The following MSH4 variants were observed in gnomAD, a reference collection of about 807,000 sequenced individuals.
MSH4 encodes the protein mutS homolog 4.
A neutral mutation model predicts 113.7 loss-of-function variants in MSH4; 106 were observed. The observed-to-expected ratio is 0.93, with a 90% CI of 0.80 to 1.10. The LOEUF is 1.10. MSH4 is among the 50% of genes least tolerant of loss of function. The probability of loss-of-function intolerance (pLI) is 0.00; values close to 1 mark genes in which losing one functional copy is unlikely to be tolerated. For missense variants in MSH4, 1,061 were observed against 1,093.7 expected (o/e 0.97, Z 0.42); for synonymous variants, 368 against 380.2 (o/e 0.97, Z 0.37).
chr1:75,902,174 T>C (rs1652520072), intron 19 of MSH4, among the ~76,000 whole-genome samples: 1 of 152,128 alleles, frequency 6.6e-6, no homozygotes, highest in Non-Finnish European at 1.5e-5. Context: ...GTAGTTGCAA[T>C]AATATATCCA....
intron 19 of MSH4, among the ~76,000 whole-genome samples, chr1:75,911,735 T>C (rs1652791568): frequency 6.6e-6 from 1 of 152,080 alleles, no homozygotes; most frequent in Non-Finnish European, 1.5e-5. Flanking sequence ...TTGATCTGTG[T>C]ACCAAATAGA....
chr1:75,909,562 T>G (rs1370734513), intron 19 of MSH4, among the ~76,000 whole-genome samples: 1 of 152,014 alleles, frequency 6.6e-6, no homozygotes, highest in Non-Finnish European at 1.5e-5. Context: ...CATGGTGGTT[T>G]GCTGCACCCA....
rs377124411 is a variant in MSH4 at position 75,814,975 on chromosome 1, C to T, written c.700-46C>T. On this transcript the variant is annotated intron_variant, in intron 4 of 19. Transcript: ENST00000263187. ...GTTTAAGAAAGCAGTTTTGGGCAAGCGCATGGCACTTCAAACTTTATTTTG... is the reference window on the plus strand; with the variant it reads ...GTTTAAGAAAGCAGTTTTGGGCAAGTGCATGGCACTTCAAACTTTATTTTG... 28 of 1,143,848 alleles carry T rather than the reference C, an allele frequency of 2.4e-5. 1 individual carries two copies. The highest frequency in any genetic ancestry group is 2.1e-4 in the African/African-American group (14 of 65,274). The allele number at this position is 1,143,848 out of a possible 1,614,324, so 70.9% of individuals were successfully genotyped here.
intron 7 of MSH4, among the ~76,000 whole-genome samples, chr1:75,825,369 A>G (rs935526860): frequency 6.6e-6 from 1 of 152,102 alleles, no homozygotes; most frequent in Non-Finnish European, 1.5e-5. Context: ...TTGGGCTGAG[A>G]CGATGGGGTT....
chr1:75,890,936 AAC>A, intron 17 of MSH4, 112 bp downstream of exon 17: 2 of 964,240 alleles, frequency 2.1e-6, no homozygotes, highest in Non-Finnish European at 3.0e-6. Context: ...TTAGATAGTA[AAC>A]ACATATCATC....
intron 7 of MSH4, among the ~76,000 whole-genome samples, chr1:75,827,244 A>C (rs773321442): frequency 1.9e-4 from 29 of 152,202 alleles, no homozygotes; most frequent in Non-Finnish European, 3.5e-4. Flanking sequence ...ACTTAATTTC[A>C]TAAGTGAAGG....
intron 9 of MSH4, among the ~76,000 whole-genome samples, chr1:75,873,748 T>TTATATATATATATATATA (rs61020580): frequency 1.3e-4 from 19 of 150,344 alleles, no homozygotes; most frequent in African/African-American, 3.9e-4. Flanking sequence ...GATCTTGTTT[T>TTATATATATATATATATA]TATATATATA....
chr1:75,891,331 T>G (rs994524342), intron 17 of MSH4, among the ~76,000 whole-genome samples: 2 of 152,208 alleles, frequency 1.3e-5, no homozygotes, highest in Admixed American at 1.3e-4. Flanking sequence ...TCACTCACAA[T>G]ATATACAGAT....
At chr1:75,837,754 G>A (rs1650863443) in intron 7 of MSH4, among the ~76,000 whole-genome samples, 1 of 152,000 alleles carries the variant, frequency 6.6e-6, no homozygotes, top group African/African-American at 2.4e-5. Context: ...CCCTCTTTAT[G>A]CAAGCTAGAT....
chr1:75,836,966 CT>C (rs1426237529), intron 7 of MSH4, among the ~76,000 whole-genome samples: 1 of 152,178 alleles, frequency 6.6e-6, no homozygotes, highest in Non-Finnish European at 1.5e-5. Context: ...CTCTCCAGAA[CT>C]TTGGACTCAA....
chr1:75,844,033 A>G (rs1181535461), intron 7 of MSH4, among the ~76,000 whole-genome samples: 2 of 151,854 alleles, frequency 1.3e-5, no homozygotes, highest in Non-Finnish European at 1.5e-5. Flanking sequence ...CTGGTCTCGA[A>G]CTCCTGACCT....
intron 7 of MSH4, among the ~76,000 whole-genome samples, chr1:75,831,449 A>T (rs1301209891): frequency 6.6e-6 from 1 of 152,208 alleles, no homozygotes; most frequent in Non-Finnish European, 1.5e-5. Context: ...ACAGACATCT[A>T]CAGAACTCTC....
At chr1:75,896,394 C>CACACACACA (rs571761055) in intron 17 of MSH4, among the ~76,000 whole-genome samples, 11 of 147,270 alleles carry the variant, frequency 7.5e-5, no homozygotes, top group African/African-American at 1.0e-4. Context: ...CACACACACA[C>CACACACACA]CCTATTGGTC....
intron 8 of MSH4, among the ~76,000 whole-genome samples, chr1:75,865,673 C>A (rs1429744334): frequency 6.6e-6 from 1 of 152,140 alleles, no homozygotes; most frequent in Admixed American, 6.5e-5. Context: ...AGCCAGACTG[C>A]AAGGGAGATG....
chr1:75,822,306 A>G, intron 6 of MSH4, 103 bp from the exon 7 acceptor site: 3 of 727,112 alleles, frequency 4.1e-6, no homozygotes, highest in Non-Finnish European at 6.4e-6. Context: ...AAAAAAAAAA[A>G]GAATCATTGC....
intron 19 of MSH4, among the ~76,000 whole-genome samples, chr1:75,903,262 T>C (rs1300843332): frequency 6.6e-6 from 1 of 152,058 alleles, no homozygotes; most frequent in Non-Finnish European, 1.5e-5. Context: ...CTTCTATATA[T>C]AGTTATCTAT....
At chr1:75,896,394 C>CACACACACACACACAA (rs571761055) in intron 17 of MSH4, among the ~76,000 whole-genome samples, 1 of 147,178 alleles carries the variant, frequency 6.8e-6, no homozygotes, top group Non-Finnish European at 1.5e-5. Flanking sequence ...CACACACACA[C>CACACACACACACACAA]CCTATTGGTC....
At chr1:75,899,926 GAGAT>G (rs1327528194) in intron 19 of MSH4, among the ~76,000 whole-genome samples, 16 of 151,462 alleles carry the variant, frequency 1.1e-4, no homozygotes, top group Non-Finnish European at 4.4e-5. Context: ...AACAAGCTAG[GAGAT>G]AAAAATTAAA....
At position 75,883,618 on chromosome 1, in the gene MSH4, A is replaced by C. The variant is rs1164629036; in HGVS notation, c.1907-3A>C. The C allele has an allele frequency of 6.2e-7, 1 of 1,601,348 alleles. No homozygotes were observed. Among genetic ancestry groups the C allele is most frequent in the Non-Finnish European group, 8.5e-7 (1 of 1,175,922 alleles). ...TAAAAACCATTCTATTTTTTTTCTT[A>C]AGTTCGACCAGAATTTACTGATACT... On this transcript the variant is annotated splice_polypyrimidine_tract_variant and splice_region_variant and intron_variant, in intron 14 of 19. Transcript: ENST00000263187.
Sources: gnomAD v4.1 joint callset for allele counts (sites outside exome capture counted in the v4.1 genomes callset) on GRCh38, gnomAD v4.1.1 for gene constraint, MANE v1.5 for transcripts, NCBI Gene and HGNC (gene_info 2026-07-23, HGNC 2026-07-21) for gene names.